The following MSH3 variants were observed in gnomAD, a reference collection of about 807,000 sequenced individuals.
The protein encoded by MSH3 is mutS homolog 3, also known as DNA mismatch repair protein Msh3.
A neutral mutation model predicts 123.3 loss-of-function variants in MSH3; 106 were observed. The observed-to-expected ratio is 0.86, with a 90% confidence interval of 0.73 to 1.01. The LOEUF (loss-of-function observed/expected upper bound fraction) is 1.01, where lower values mean the gene tolerates loss of function less well. MSH3 is among the 50% of genes least tolerant of loss of function. The probability of loss-of-function intolerance (pLI) is 0.00; values close to 1 mark genes in which losing one functional copy is unlikely to be tolerated. For synonymous variants in MSH3, 515 were observed against 481.4 expected, an observed-to-expected ratio of 1.07 and a Z score of -0.91; for missense variants, 1,459 against 1,347.6, an observed-to-expected ratio of 1.08 and a Z score of -1.29.
chr5:80,793,588 G>T (rs890780004), intron 19 of MSH3, among the ~76,000 whole-genome samples: 1 of 152,128 alleles, frequency 6.6e-6, no homozygotes, highest in Non-Finnish European at 1.5e-5. Context: ...GCAGGCCAAG[G>T]TATTGAAGGG....
At chr5:80,782,353 CT>C (rs59269907) in intron 17 of MSH3, among the ~76,000 whole-genome samples, 128,223 of 151,938 alleles carry the variant, frequency 0.84, 54,113 homozygotes, top group East Asian at 1. Flanking sequence ...CACATACAGG[CT>C]TTTTTTTTCC....
chr5:80,835,561 T>C (rs1283170994), intron 20 of MSH3, among the ~76,000 whole-genome samples: 2 of 152,142 alleles, frequency 1.3e-5, no homozygotes, highest in African/African-American at 4.8e-5. Context: ...TTACACTAAT[T>C]AGGTCATTGT....
intron 5 of MSH3, 82 bp from the exon 6 acceptor site, chr5:80,672,659 A>G: frequency 9.0e-7 from 1 of 1,106,458 alleles, no homozygotes; most frequent in Middle Eastern, 2.0e-4. Flanking sequence ...CCATTTCAGA[A>G]TTGACGTTTA....
intron 3 of MSH3, among the ~76,000 whole-genome samples, chr5:80,669,636 T>C (rs1326570619): frequency 1.3e-5 from 2 of 152,222 alleles, no homozygotes; most frequent in Non-Finnish European, 2.9e-5. Context: ...TTTTACAGTG[T>C]GCTTGGAAGT....
At chr5:80,741,772 A>G (rs1370822364) in intron 11 of MSH3, among the ~76,000 whole-genome samples, 31 of 152,144 alleles carry the variant, frequency 2.0e-4, no homozygotes, top group Admixed American at 2.0e-3. Flanking sequence ...ACTGAGGGGC[A>G]TGCTTATCCT....
chr5:80,663,098 CATG>C (rs1056675290), intron 2 of MSH3, among the ~76,000 whole-genome samples: 14 of 152,018 alleles, frequency 9.2e-5, no homozygotes, highest in African/African-American at 3.1e-4. Flanking sequence ...ATTAGTTGGC[CATG>C]GTGGCACTTG....
chr5:80,665,277 A>G lies in MSH3; in HGVS notation c.493A>G (p.Lys165Glu), dbSNP rs1749544149. The change falls in exon 3 of 24, where the codon AAA becomes GAA. Residue 165 changes from lysine to glutamate, a missense_variant. Coordinates refer to ENST00000265081, the MANE Select transcript of MSH3 (RefSeq NM_002439.5). ...SLQERFAVLP[K>E]CTDFDDISLL... The stretch of plus-strand genomic sequence containing the variant: ...GCAGGAGAGATTTGCAGTTCTGCCA[A>G]AATGTACTGATTTTGATGATATCAG... 1.9e-6 allele frequency: 3 copies of G among 1,614,012 alleles called. No homozygotes were observed. The highest frequency in any genetic ancestry group is 8.5e-7 in the Non-Finnish European group (1 of 1,180,006).
At chr5:80,830,159 T>A (rs912838678) in intron 20 of MSH3, among the ~76,000 whole-genome samples, 82 of 152,334 alleles carry the variant, frequency 5.4e-4, no homozygotes, top group African/African-American at 1.9e-3. Context: ...ATTTTCTTGA[T>A]CTTTTCAAAG....
chr5:80,665,469 G>T (rs6151612), intron 3 of MSH3, 106 bp downstream of exon 3: 4 of 845,972 alleles, frequency 4.7e-6, no homozygotes, highest in Non-Finnish European at 7.6e-6. Flanking sequence ...AAACTTGGAT[G>T]GTCTTCTGAA....
intron 8 of MSH3, among the ~76,000 whole-genome samples, chr5:80,683,887 T>G (rs923206902): frequency 6.6e-6 from 1 of 152,222 alleles, no homozygotes; most frequent in Non-Finnish European, 1.5e-5. Context: ...TAGGGTCTAG[T>G]TTCATTGTTC....
Position 80,797,197 on chromosome 5 carries a change from C to T in MSH3, c.2655+4353C>T, listed in dbSNP as rs139769330. Among the ~76,000 whole-genome samples, 10 of 152,230 alleles carry T rather than the reference C, an allele frequency of 6.6e-5. No individual in the cohort carries two copies. In the South Asian group the frequency reaches 8.3e-4, roughly 13 times the overall value. On this transcript the variant is annotated intron_variant, in intron 19 of 23. Transcript: ENST00000265081. ...GATGGGTAACCCTCTCACATACCCT[C>T]GCCACTCTATTTCTCCACATCTCAG...
At chr5:80,828,618 A>G (rs1745361867) in intron 20 of MSH3, among the ~76,000 whole-genome samples, 1 of 152,200 alleles carries the variant, frequency 6.6e-6, no homozygotes, top group African/African-American at 2.4e-5. Flanking sequence ...TAAATTTCTT[A>G]CAGCTGTGAG....
intron 10 of MSH3, among the ~76,000 whole-genome samples, chr5:80,730,877 C>CATATATAT (rs35595321): frequency 1.5e-5 from 2 of 131,514 alleles, no homozygotes; most frequent in African/African-American, 2.8e-5. Flanking sequence ...GTGTCCTCCT[C>CATATATAT]ATATATATAT....
At chr5:80,798,130 C>A (rs1744730272) in intron 19 of MSH3, among the ~76,000 whole-genome samples, 2 of 152,052 alleles carry the variant, frequency 1.3e-5, no homozygotes, top group African/African-American at 4.8e-5. Flanking sequence ...GTCAAACGTG[C>A]ACAACAGGAA....
chr5:80,693,684 GTC>G (rs1561446272), intron 8 of MSH3, among the ~76,000 whole-genome samples: 1 of 151,696 alleles, frequency 6.6e-6, no homozygotes, highest in Non-Finnish European at 1.5e-5. Context: ...GGAGATGGGA[GTC>G]TCACTCTGTC....
chr5:80,843,334 A>G (rs537015893), intron 20 of MSH3, among the ~76,000 whole-genome samples: 1 of 152,258 alleles, frequency 6.6e-6, no homozygotes, highest in Admixed American at 6.5e-5. Context: ...TTTCGCATTG[A>G]TGTTCATCAG....
rs2112812190 is a variant in MSH3 at position 80,670,146 on chromosome 5, A to G, written c.629A>G (p.His210Arg). The G allele has an allele frequency of 6.2e-7, 1 of 1,614,192 alleles. No individual in the cohort carries two copies. ...LSQFGSSNTS[H>R]ENLQKTASKS... The stretch of plus-strand genomic sequence containing the variant: ...CAGTTTGGATCATCAAATACAAGTC[A>G]TGAAAATTTACAGAAAACTGCTTCC... Residue 210 changes from histidine to arginine, a missense_variant, in exon 4 of 24, where the codon CAT (histidine) becomes CGT (arginine). His to Arg is a conservative substitution (Grantham distance 29, BLOSUM62 0). Coordinates refer to ENST00000265081, the MANE Select transcript of MSH3 (RefSeq NM_002439.5).
At chr5:80,700,631 A>G (rs1750587647) in intron 8 of MSH3, among the ~76,000 whole-genome samples, 1 of 152,054 alleles carries the variant, frequency 6.6e-6, no homozygotes, top group Admixed American at 6.6e-5. Flanking sequence ...TGCTTAACTC[A>G]TGAAAATCCA....
intron 10 of MSH3, among the ~76,000 whole-genome samples, chr5:80,738,115 G>C (rs1488673740): frequency 6.6e-6 from 1 of 152,128 alleles, no homozygotes; most frequent in Non-Finnish European, 1.5e-5. Context: ...GCTCTCTAAA[G>C]GTCTGGGGTT....
Sources: gnomAD v4.1 joint callset for allele counts (sites outside exome capture counted in the v4.1 genomes callset) on GRCh38, gnomAD v4.1.1 for gene constraint, MANE v1.5 for transcripts, NCBI Gene and HGNC (gene_info 2026-07-23, HGNC 2026-07-21) for gene names.